Variants in SLC9C2 observed in about 807,000 individuals in gnomAD.
The protein encoded by SLC9C2 is sodium/hydrogen exchanger 11.
A neutral mutation model predicts 140.2 loss-of-function variants in SLC9C2; 75 were observed. The observed-to-expected ratio is 0.53, with a 90% CI of 0.44 to 0.65. The LOEUF is 0.65. Among genes scored for constraint, SLC9C2 ranks in the 30% least tolerant of loss-of-function variants. The pLI, the probability that SLC9C2 is intolerant of heterozygous loss-of-function variation, is 0.00. For missense variants in SLC9C2, 1,074 were observed against 1,331.8 expected, an observed-to-expected ratio of 0.81 and a Z score of 3.01; for synonymous variants, 375 against 420.9, an observed-to-expected ratio of 0.89 and a Z score of 1.34.
intron 23 of SLC9C2, among the ~76,000 whole-genome samples, chr1:173,514,267 C>G (rs1015289050): frequency 1.3e-5 from 2 of 151,870 alleles, no homozygotes; most frequent in Non-Finnish European, 2.9e-5. Flanking sequence ...TTAAAGTCTC[C>G]CACTATTATT....
intron 10 of SLC9C2, 127 bp downstream of exon 10, chr1:173,557,213 A>T: frequency 2.3e-6 from 2 of 863,748 alleles, no homozygotes; most frequent in Non-Finnish European, 3.7e-6. Context: ...GTTCCTTTCT[A>T]CTTAAAAGAA....
intron 9 of SLC9C2, 125 bp from the exon 10 acceptor site, chr1:173,557,633 T>C: frequency 1.2e-6 from 1 of 865,910 alleles, no homozygotes; most frequent in East Asian, 2.7e-5. Context: ...ACAATGCAAT[T>C]TACTGTTAAG....
intron 4 of SLC9C2, chr1:173,596,699 CCAACTGTATA>C (rs1185751992): frequency 2.0e-5 from 3 of 151,760 alleles, no homozygotes; most frequent in African/African-American, 7.3e-5. Flanking sequence ...TAAAAAAAAT[CCAACTGTATA>C]CTATTAAAAA....
At position 173,509,687 on chromosome 1, in the gene SLC9C2, A is replaced by C. The variant is rs758547925; in HGVS notation, c.2920T>G (p.Ser974Ala). 33 of 1,589,560 alleles carry C rather than the reference A, an allele frequency of 2.1e-5. No homozygotes were observed. Among genetic ancestry groups the C allele is most frequent in the Non-Finnish European group, 2.8e-5 (33 of 1,173,528 alleles). Reference sequence around the variant, plus strand: ...AAGCCTTCATATAAATCCTCCAGGGAGATAAAGCAGGCCTGAAACAAAAAG... The same window carrying C: ...AAGCCTTCATATAAATCCTCCAGGGCGATAAAGCAGGCCTGAAACAAAAAG... ...CETSLQACFI[S>A]LEDLYEGFDA... Residue 974 changes from serine to alanine, a missense_variant, in exon 24 of 28, where the codon TCC (serine) becomes GCC (alanine). By Grantham distance (99) the Ser-to-Ala change is moderately conservative. Coordinates refer to ENST00000367714, the MANE Select transcript of SLC9C2 (RefSeq NM_178527.4).
In SLC9C2 at chr1:173,523,990, A is replaced by G. The variant is rs1437688633; in HGVS notation, c.2619T>C (p.Asp873=). 2 of 1,612,996 alleles carry G rather than the reference A, an allele frequency of 1.2e-6. No individual in the cohort carries two copies. Among genetic ancestry groups the G allele is most frequent in the Non-Finnish European group, 1.7e-6 (2 of 1,179,686 alleles). ...LHNIIWLEGK[D]VLIDFFKERA... is the part of the protein sequence containing the mutation. ...TTACCTTGAAGAAGTCAATGAGAACATCTTTACCTTCCAGCCAAATGATGT... is the reference window on the plus strand; with the variant it reads ...TTACCTTGAAGAAGTCAATGAGAACGTCTTTACCTTCCAGCCAAATGATGT... Residue 873 remains aspartate, a synonymous_variant, in exon 21 of 28, where the codon GAT becomes GAC. Coordinates refer to ENST00000367714, the MANE Select transcript of SLC9C2 (RefSeq NM_178527.4).
chr1:173,599,893 C>T (rs938705387), intron 3 of SLC9C2, among the ~76,000 whole-genome samples: 3 of 152,202 alleles, frequency 2.0e-5, no homozygotes, highest in African/African-American at 7.2e-5. Context: ...CGTCAGCCAC[C>T]GCACCTGGCC....
At chr1:173,560,303 G>A (rs1664019030) in intron 9 of SLC9C2, among the ~76,000 whole-genome samples, 1 of 152,176 alleles carries the variant, frequency 6.6e-6, no homozygotes, top group African/African-American at 2.4e-5. Flanking sequence ...CCTCTTCAGG[G>A]CCGATAGCCC....
In SLC9C2 at chr1:173,505,331, C is replaced by T. The variant is rs750906562; in HGVS notation, c.3226G>A (p.Val1076Ile). Reference sequence around the variant, plus strand: ...TTGCTTAAATCAGAAGTTCCCTGAACCTAGAGGAGAAAAGTCAAAATTAGT... The same window carrying T: ...TTGCTTAAATCAGAAGTTCCCTGAATCTAGAGGAGAAAAGTCAAAATTAGT... The part of the protein sequence containing the change: ...PCIIPTTCEQ[V>I]QGTSDLSKLL... The change falls in exon 26 of 28, where the codon GTT becomes ATT. Residue 1076 changes from valine to isoleucine, a missense_variant and splice_region_variant. By Grantham distance (29) the Val-to-Ile change is conservative (BLOSUM62 3). Transcript: ENST00000367714. 1.2e-6 allele frequency: 2 copies of T among 1,613,692 alleles called. No individual in the cohort carries two copies. Among genetic ancestry groups the T allele is most frequent in the Non-Finnish European group, 1.7e-6 (2 of 1,179,698 alleles).
chr1:173,600,765 T>C (rs1267742630), intron 2 of SLC9C2, among the ~76,000 whole-genome samples: 3 of 152,142 alleles, frequency 2.0e-5, no homozygotes, highest in Admixed American at 2.0e-4. Flanking sequence ...ATAGAGCTAG[T>C]CCATGGTCAT....
chr1:173,521,935 T>C (rs1002062556), intron 21 of SLC9C2, among the ~76,000 whole-genome samples: 4 of 148,540 alleles, frequency 2.7e-5, no homozygotes, highest in Non-Finnish European at 4.4e-5. Context: ...CGCGGTGGCT[T>C]ACGCCTGTAA....
intron 11 of SLC9C2, among the ~76,000 whole-genome samples, chr1:173,551,357 G>A (rs1372235899): frequency 1.3e-5 from 2 of 151,998 alleles, no homozygotes; most frequent in Non-Finnish European, 2.9e-5. Flanking sequence ...CTAGTAAATC[G>A]GCCTTCTGGT....
In SLC9C2 at chr1:173,501,038, A is replaced by G. The variant is rs185548147; in HGVS notation, c.*56T>C. 115 of 1,457,178 alleles carry G rather than the reference A, an allele frequency of 7.9e-5. 1 individual carries two copies. In the African/African-American group the frequency reaches 1.4e-3, roughly 17 times the overall value. The allele number at this position is 1,457,178 out of a possible 1,614,324, so 90.3% of individuals were successfully genotyped here. On this transcript the variant is annotated 3_prime_UTR_variant, in exon 28 of 28. Coordinates refer to ENST00000367714, the MANE Select transcript of SLC9C2 (RefSeq NM_178527.4). ...GGAAAGTAGTTTGGTCTTTAACCTG[A>G]CTCCACACATCATATTTGTATCATT... is the stretch of plus-strand genomic sequence containing the variant.
In SLC9C2 at chr1:173,551,525, C is replaced by T. The variant is rs549058248; in HGVS notation, c.1298-2973G>A. Reference sequence around the variant, plus strand: ...CACCATTTTTCCAACAGTATGTCCTCGCTTCATATCTCTGTGTCTACATTT... The same window carrying T: ...CACCATTTTTCCAACAGTATGTCCTTGCTTCATATCTCTGTGTCTACATTT... On this transcript the variant is annotated intron_variant, in intron 11 of 27. Transcript: ENST00000367714. Among the ~76,000 whole-genome samples, 7 of 152,288 alleles carry T rather than the reference C, an allele frequency of 4.6e-5. No homozygotes were observed. The South Asian group carries it at 1.2e-3, about 27-fold the overall frequency.
chr1:173,502,494 A>G (rs1005575101), intron 27 of SLC9C2, among the ~76,000 whole-genome samples: 1 of 152,078 alleles, frequency 6.6e-6, no homozygotes, highest in Non-Finnish European at 1.5e-5. Context: ...AGAGACCTCT[A>G]CAGTCATGAG....
chr1:173,501,091 T>C lies in SLC9C2; in HGVS notation c.*3A>G. 6 of 1,533,832 alleles carry C rather than the reference T, an allele frequency of 3.9e-6. No homozygotes were observed. Among genetic ancestry groups the C allele is most frequent in the Non-Finnish European group, 5.3e-6 (6 of 1,139,852 alleles). ...TACCCTTTTCTAAAATGGTATCCAGTTTTCAACTATAAAAGAAAGTCAAAA... is the reference window on the plus strand; with the variant it reads ...TACCCTTTTCTAAAATGGTATCCAGCTTTCAACTATAAAAGAAAGTCAAAA... On this transcript the variant is annotated 3_prime_UTR_variant, in exon 28 of 28. Coordinates refer to ENST00000367714, the MANE Select transcript of SLC9C2 (RefSeq NM_178527.4).
chr1:173,557,854 A>C (rs1663817469), intron 9 of SLC9C2, among the ~76,000 whole-genome samples: 1 of 152,214 alleles, frequency 6.6e-6, no homozygotes, highest in African/African-American at 2.4e-5. Flanking sequence ...AAAGCCATAC[A>C]TGACTGGATT....
intron 21 of SLC9C2, among the ~76,000 whole-genome samples, chr1:173,523,678 A>G (rs1055951527): frequency 6.6e-6 from 1 of 152,252 alleles, no homozygotes; most frequent in Non-Finnish European, 1.5e-5. Context: ...TGTCTCTCCC[A>G]GAGTGTACAT....
intron 15 of SLC9C2, 86 bp downstream of exon 15, chr1:173,535,740 CAAAT>C: frequency 7.3e-7 from 1 of 1,362,756 alleles, no homozygotes; most frequent in Non-Finnish European, 9.7e-7. Flanking sequence ...TAGTTTTTCT[CAAAT>C]AAGGAAAATT....
rs749002828 is a variant in SLC9C2, at chr1:173,557,484, G to T, written c.1071C>A (p.Ser357Arg). The T allele has an allele frequency of 6.2e-7, 1 of 1,612,396 alleles. No homozygotes were observed. The highest frequency in any genetic ancestry group is 8.5e-7 in the Non-Finnish European group (1 of 1,179,584). ...LVRLLTILLVSPILMHSNYEY... is the reference protein window; with the variant it reads ...LVRLLTILLVRPILMHSNYEY... ...CATAATTTGAATGCATCAAAATAGG[G>T]CTCACTAACAAAATAGTAAGCAACC... Residue 357 changes from serine to arginine, a missense_variant, in exon 10 of 28, where the codon AGC becomes AGA. Coordinates refer to ENST00000367714, the MANE Select transcript of SLC9C2 (RefSeq NM_178527.4).
Sources: gnomAD v4.1 joint callset for allele counts (sites outside exome capture counted in the v4.1 genomes callset) on GRCh38, gnomAD v4.1.1 for gene constraint, MANE v1.5 for transcripts, NCBI Gene and HGNC (gene_info 2026-07-23, HGNC 2026-07-21) for gene names.